PLAC1: variants seen among roughly 807,000 people sequenced by gnomAD.
The protein encoded by PLAC1 is placenta-specific protein 1.
For missense variants in PLAC1, 136 were observed against 163.2 expected, an observed-to-expected ratio of 0.83 and a Z score of 0.91; for synonymous variants, 68 against 62.1, an observed-to-expected ratio of 1.09 and a Z score of -0.44.
chrX:134,691,127 T>G (rs1283881862), intron 2 of PLAC1, among the ~76,000 whole-genome samples: 3 of 102,084 alleles, frequency 2.9e-5, no homozygotes, highest in African/African-American at 1.1e-4. Flanking sequence ...TTTTTTTTTT[T>G]TCACAAGTTC....
intron 2 of PLAC1, among the ~76,000 whole-genome samples, chrX:134,575,481 G>A (rs2077933323): frequency 9.1e-6 from 1 of 110,043 alleles, no homozygotes; most frequent in Admixed American, 9.7e-5. Context: ...GCAAGAACAG[G>A]GTGTTGAGCC....
chrX:134,701,744 G>A (rs1036267782), intron 2 of PLAC1, among the ~76,000 whole-genome samples: 9 of 112,310 alleles, frequency 8.0e-5, no homozygotes, highest in South Asian at 3.7e-4. Context: ...GAGACCAGGC[G>A]CAGTGGCTCA....
At chrX:134,585,469 CA>C (rs779502479) in intron 2 of PLAC1, among the ~76,000 whole-genome samples, 13 of 111,397 alleles carry the variant, frequency 1.2e-4, no homozygotes, top group Non-Finnish European at 2.3e-4. Context: ...TCTGACTTAG[CA>C]AGCTTTTGTT....
At chrX:134,741,373 A>G (rs1287551829) in intron 1 of PLAC1, among the ~76,000 whole-genome samples, 1 of 112,338 alleles carries the variant, frequency 8.9e-6, no homozygotes, top group Non-Finnish European at 1.9e-5. Flanking sequence ...AAATGTCAGA[A>G]GCAATGAGCA....
At chrX:134,756,079 C>A (rs1485818045) in intron 1 of PLAC1, among the ~76,000 whole-genome samples, 1 of 108,863 alleles carries the variant, frequency 9.2e-6, no homozygotes, top group African/African-American at 3.3e-5. Flanking sequence ...TCTCTATCTC[C>A]TGTCCTCGAG....
rs112519123 is a variant in PLAC1 at position 134,667,637 on chromosome X, T to A, written n.175-65515A>T. On this transcript the variant is annotated intron_variant and non_coding_transcript_variant, in intron 2 of 2. Coordinates refer to the PLAC1 transcript ENST00000466797. ...TGGCAGTTCCTCAAAAAGTTAAACATGGACCAGGCACAGTGGCTCACACCT... is the reference window on the plus strand; with the variant it reads ...TGGCAGTTCCTCAAAAAGTTAAACAAGGACCAGGCACAGTGGCTCACACCT... Among the ~76,000 whole-genome samples, 772 of 112,001 alleles carry A rather than the reference T, an allele frequency of 6.9e-3. 3 individuals carry two copies. The highest frequency in any genetic ancestry group is 0.023 in the African/African-American group (716 of 30,754).
chrX:134,705,840 A>G (rs946330127), intron 2 of PLAC1, among the ~76,000 whole-genome samples: 1 of 112,251 alleles, frequency 8.9e-6, no homozygotes, highest in African/African-American at 3.2e-5. Context: ...TTTCAAGACA[A>G]GATGAAATAA....
At chrX:134,680,525 A>AAACTGAACTAAACTG (rs1569403885) in intron 2 of PLAC1, among the ~76,000 whole-genome samples, 3 of 102,203 alleles carry the variant, frequency 2.9e-5, no homozygotes, top group African/African-American at 1.1e-4. Context: ...TTCCTAAACT[A>AAACTGAACTAAACTG]AACTGAACTA....
chrX:134,573,372 C>G (rs1445654899), intron 2 of PLAC1, among the ~76,000 whole-genome samples: 1 of 111,549 alleles, frequency 9.0e-6, no homozygotes, highest in Admixed American at 9.6e-5. Context: ...CCACAAAGCC[C>G]CAGAGTCCCT....
chrX:134,624,428 A>G (rs1372518451), intron 1 of PLAC1, among the ~76,000 whole-genome samples: 1 of 112,206 alleles, frequency 8.9e-6, no homozygotes, highest in Non-Finnish European at 1.9e-5. Flanking sequence ...ACTTCTGTTG[A>G]AAAAGAAGCT....
intron 1 of PLAC1, among the ~76,000 whole-genome samples, chrX:134,627,678 C>T (rs1569392333): frequency 8.9e-6 from 1 of 112,710 alleles, no homozygotes; most frequent in East Asian, 2.8e-4. Flanking sequence ...GTTTCTCCTT[C>T]CAGTTCTATT....
At chrX:134,641,121 G>A (rs1029350829) in intron 1 of PLAC1, among the ~76,000 whole-genome samples, 2 of 110,760 alleles carry the variant, frequency 1.8e-5, no homozygotes, top group East Asian at 5.7e-4. Context: ...GGACATGGTG[G>A]CACATGCCTG....
chrX:134,638,746 C>T (rs748462310), intron 1 of PLAC1, among the ~76,000 whole-genome samples: 1 of 107,268 alleles, frequency 9.3e-6, no homozygotes, highest in East Asian at 3.5e-4. Flanking sequence ...CTGGCTATTG[C>T]CATTGCTGGC....
chrX:134,723,128 A>T (rs1275033807), intron 2 of PLAC1, among the ~76,000 whole-genome samples: 5 of 111,562 alleles, frequency 4.5e-5, no homozygotes, highest in Admixed American at 9.6e-5. Context: ...AATTATTTTT[A>T]AAAAACTTTA....
intron 2 of PLAC1, among the ~76,000 whole-genome samples, chrX:134,597,302 A>G (rs895460709): frequency 9.0e-6 from 1 of 111,079 alleles, no homozygotes; most frequent in Non-Finnish European, 1.9e-5. Context: ...CATTTTGGTT[A>G]TTGTGTTTTT....
chrX:134,584,461 G>A (rs1602800264), intron 2 of PLAC1, among the ~76,000 whole-genome samples: 1 of 111,824 alleles, frequency 8.9e-6, no homozygotes, highest in East Asian at 2.8e-4. Context: ...ATCAGATTTT[G>A]ACGTGAAGGA....
intron 2 of PLAC1, among the ~76,000 whole-genome samples, chrX:134,593,842 T>C (rs2078050992): frequency 1.8e-5 from 2 of 112,137 alleles, no homozygotes; most frequent in South Asian, 7.5e-4. Context: ...CATCATGTCA[T>C]CTGAAAATAA....
chrX:134,673,320 GAGGGAAGGGGA>G, intron 2 of PLAC1, among the ~76,000 whole-genome samples: 1 of 100,695 alleles, frequency 9.9e-6, no homozygotes, highest in African/African-American at 3.6e-5. Context: ...AGGAAGGAAG[GAGGGAAGGGGA>G]AGGGAAGGGA....
Position 134,566,150 on chromosome X carries a change from C to G in PLAC1, c.533G>C (p.Cys178Ser). Reference sequence around the variant, plus strand: ...AGCCTCCTGAGCCCCTGCTTGGTGACAAGGGACCTGGGTATGCTCTTCTTC... The same window carrying G: ...AGCCTCCTGAGCCCCTGCTTGGTGAGAAGGGACCTGGGTATGCTCTTCTTC... The part of the protein sequence containing the change: ...FSEEEHTQVP[C>S]HQAGAQEAQP... Residue 178 changes from cysteine (C) to serine (S), a missense_variant, in exon 3 of 3, where the codon TGT (cysteine) becomes TCT (serine). Coordinates refer to ENST00000359237, the MANE Select transcript of PLAC1 (RefSeq NM_021796.4). 1 of 1,211,449 alleles carries G rather than the reference C, an allele frequency of 8.3e-7. No homozygotes were observed. Among genetic ancestry groups the G allele is most frequent in the South Asian group, 1.8e-5 (1 of 56,986 alleles).
Sources: allele counts gnomAD v4.1 joint callset (sites outside exome capture counted in the v4.1 genomes callset), GRCh38; gene constraint gnomAD v4.1.1; transcripts MANE v1.5; gene names NCBI Gene and HGNC (gene_info 2026-07-23, HGNC 2026-07-21).